The following PTPRG variants were observed in gnomAD, a reference collection of about 807,000 sequenced individuals.
PTPRG encodes protein tyrosine phosphatase receptor type G, also known as receptor-type tyrosine-protein phosphatase gamma.
In PTPRG, 102 loss-of-function variants were observed where a neutral mutation model predicts 165.3. The ratio of observed to expected loss-of-function variants is 0.62; its 90% CI spans 0.53 to 0.73. The LOEUF (loss-of-function observed/expected upper bound fraction) is 0.73. Ranked by LOEUF, PTPRG falls within the 30% of genes least tolerant of loss-of-function variation. The probability of loss-of-function intolerance (pLI) is 0.00; values close to 1 mark genes in which losing one functional copy is unlikely to be tolerated. For missense variants in PTPRG, 1,866 were observed against 1,861.4 expected (o/e 1.00, Z -0.05); for synonymous variants, 675 against 669.5 (o/e 1.01, Z -0.13).
chr3:62,271,496 C>A lies in PTPRG; in HGVS notation c.3123C>A (p.Phe1041Leu), dbSNP rs746317242. The A allele has an allele frequency of 2.5e-6, 4 of 1,613,842 alleles. No individual in the cohort carries two copies. The Admixed American group carries it at 5.0e-5, about 20-fold the overall frequency. The change falls in exon 21 of 30, where the codon TTC becomes TTA. Residue 1041 changes from phenylalanine (F) to leucine (L), a missense_variant. This residue lies in a region of PTPRG where 1,452 missense variants were observed against 1,463.0 expected (regional missense o/e 0.99). Coordinates refer to ENST00000474889, the MANE Select transcript of PTPRG (RefSeq NM_002841.4). This position sits in a 1 kb window ranked among gnomAD's most constrained non-coding sequence, Gnocchi z 4.1. ...AGTATGCCCTTCCAGTACTGACTTT[C>A]GTGAGGAGATCCTCAGCAGCTCGGA... ...VPEYALPVLT[F>L]VRRSSAARMP...
At chr3:62,157,309 A>G in intron 7 of PTPRG, 85 bp downstream of exon 7, 1 of 1,386,576 alleles carries the variant, frequency 7.2e-7, no homozygotes, top group South Asian at 1.4e-5. Context: ...GTATACCACT[A>G]AGGAATTTGT....
rs1490643997 is a variant in PTPRG, at chr3:61,900,168, T to G, written c.191-89457T>G. On this transcript the variant is annotated intron_variant, in intron 2 of 29. Coordinates refer to ENST00000474889, the MANE Select transcript of PTPRG (RefSeq NM_002841.4). ...GTTTTTTTTTTTAAATACCCAAAGT[T>G]AGAGGCAATAAGGAAACAACACAAG... Among the ~76,000 whole-genome samples the G allele has an allele frequency of 2.0e-5, 3 of 152,124 alleles. No homozygotes were observed. The East Asian group carries it at 5.8e-4, about 29-fold the overall frequency.
chr3:61,822,346 C>T (rs1422253495), intron 2 of PTPRG, among the ~76,000 whole-genome samples: 3 of 152,172 alleles, frequency 2.0e-5, no homozygotes, highest in Non-Finnish European at 4.4e-5. Flanking sequence ...GGAATGTTGG[C>T]TTCATGTTTT....
chr3:62,001,572 A>T (rs2041172808), intron 3 of PTPRG, among the ~76,000 whole-genome samples: 1 of 151,790 alleles, frequency 6.6e-6, no homozygotes, highest in East Asian at 1.9e-4. Flanking sequence ...GTATAATATA[A>T]TATTTTAGAA....
At chr3:61,861,376 A>T (rs2037266603) in intron 2 of PTPRG, among the ~76,000 whole-genome samples, 1 of 152,190 alleles carries the variant, frequency 6.6e-6, no homozygotes, top group Non-Finnish European at 1.5e-5. Context: ...ACAAAATCCC[A>T]CGAAGGCATT....
At chr3:62,137,870 G>A (rs1452041234) in intron 6 of PTPRG, among the ~76,000 whole-genome samples, 2 of 152,186 alleles carry the variant, frequency 1.3e-5, no homozygotes, top group Admixed American at 1.3e-4. Flanking sequence ...AACTCATGAG[G>A]CATCCACTTA....
intron 2 of PTPRG, among the ~76,000 whole-genome samples, chr3:61,951,640 G>A (rs1424067244): frequency 3.3e-5 from 5 of 152,054 alleles, no homozygotes; most frequent in Non-Finnish European, 7.4e-5. Flanking sequence ...TCCGTGTCTG[G>A]TTCTGAGATA....
At chr3:61,724,461 A>G (rs1416800964) in intron 1 of PTPRG, among the ~76,000 whole-genome samples, 3 of 152,074 alleles carry the variant, frequency 2.0e-5, no homozygotes, top group Admixed American at 2.0e-4. Context: ...CAGTGCGTAC[A>G]CGTTTTTGGA....
intron 2 of PTPRG, among the ~76,000 whole-genome samples, chr3:61,857,393 C>A (rs1323359272): frequency 6.6e-6 from 1 of 152,082 alleles, no homozygotes; most frequent in Non-Finnish European, 1.5e-5. Flanking sequence ...CTCTACAGCA[C>A]CATGTGTGAA....
intron 28 of PTPRG, among the ~76,000 whole-genome samples, chr3:62,285,076 A>G (rs1429526168): frequency 6.6e-6 from 1 of 152,044 alleles, no homozygotes; most frequent in Non-Finnish European, 1.5e-5. Context: ...TTATCATGTC[A>G]CACCATAATT....
intron 17 of PTPRG, among the ~76,000 whole-genome samples, chr3:62,264,581 G>A (rs62243885): frequency 0.36 from 54,235 of 151,800 alleles, 11,523 homozygotes; most frequent in East Asian, 0.56. Flanking sequence ...TTAATTTAGC[G>A]CAATGATTTC....
chr3:61,975,116 A>G (rs1401334175), intron 2 of PTPRG, among the ~76,000 whole-genome samples: 1 of 152,182 alleles, frequency 6.6e-6, no homozygotes, highest in Non-Finnish European at 1.5e-5. Flanking sequence ...TATTGTCAGG[A>G]GCAAATAAGG....
chr3:61,685,914 A>G (rs1703609964), intron 1 of PTPRG, among the ~76,000 whole-genome samples: 1 of 152,116 alleles, frequency 6.6e-6, no homozygotes, highest in Admixed American at 6.5e-5. Context: ...CCTGGCATAT[A>G]ATGGTGTCAG....
chr3:62,166,128 G>C (rs2106727374), intron 7 of PTPRG, among the ~76,000 whole-genome samples: 1 of 145,392 alleles, frequency 6.9e-6, no homozygotes, highest in South Asian at 2.3e-4. Context: ...AGTTCATTCA[G>C]CTTTTCTCTT....
chr3:61,742,385 T>C lies in PTPRG; in HGVS notation c.86-6493T>C. The C allele has an allele frequency of 2.7e-6, 3 of 1,117,968 alleles. No homozygotes were observed. The Admixed American group carries it at 8.6e-5, about 32-fold the overall frequency. 69.3% of individuals were successfully genotyped at this position (1,117,968 alleles called of 1,614,324 possible). The stretch of plus-strand genomic sequence containing the variant: ...TTAGGACATTTTTATAGGAAGAAAT[T>C]GGGCCTTTGGGTCTGGAATTTTTTT... On this transcript the variant is annotated intron_variant, in intron 1 of 29. Transcript: ENST00000474889.
Position 61,842,256 on chromosome 3 carries a change from G to A in PTPRG, c.190+93274G>A, listed in dbSNP as rs74595889. 9.1e-4 allele frequency among the ~76,000 whole-genome samples: 138 copies of A among 152,138 alleles called. 2 individuals are homozygous for A. The East Asian group carries it at 0.018, about 20-fold the overall frequency. On this transcript the variant is annotated intron_variant, in intron 2 of 29. Coordinates refer to ENST00000474889, the MANE Select transcript of PTPRG (RefSeq NM_002841.4). ...GCATCCATCACTCAGCAGCAATAAC[G>A]TTTCTTATTGCTTCTAAAGGCAATG...
At chr3:61,629,978 A>G (rs1317240576) in intron 1 of PTPRG, among the ~76,000 whole-genome samples, 1 of 152,224 alleles carries the variant, frequency 6.6e-6, no homozygotes, top group Non-Finnish European at 1.5e-5. Context: ...GGAGAGCAGC[A>G]TTTTCAAGTA....
intron 18 of PTPRG, 58 bp downstream of exon 18, chr3:62,267,550 C>T: frequency 3.9e-6 from 6 of 1,538,248 alleles, no homozygotes; most frequent in Non-Finnish European, 5.3e-6. Flanking sequence ...GCAGCAGAAA[C>T]TGTTTAATAT....
At chr3:61,625,503 T>C (rs1473703107) in intron 1 of PTPRG, among the ~76,000 whole-genome samples, 2 of 152,152 alleles carry the variant, frequency 1.3e-5, no homozygotes, top group East Asian at 3.9e-4. Flanking sequence ...AGGGTGGTAA[T>C]GATCGGCTCT....
Sources: allele counts gnomAD v4.1 joint callset (sites outside exome capture counted in the v4.1 genomes callset), GRCh38; gene constraint gnomAD v4.1.1; regional missense constraint gnomAD v4.1.1; non-coding constraint Gnocchi (gnomAD v3.1); transcripts MANE v1.5; gene names NCBI Gene and HGNC (gene_info 2026-07-23, HGNC 2026-07-21).